Variants in TUSC3 observed in about 807,000 individuals in gnomAD.
TUSC3 encodes dolichyl-diphosphooligosaccharide--protein glycosyltransferase subunit TUSC3.
TUSC3 carries 45 observed loss-of-function variants against 44.8 expected under a neutral mutation model. The ratio of observed to expected loss-of-function variants is 1.00; its 90% CI spans 0.79 to 1.29. The LOEUF (loss-of-function observed/expected upper bound fraction) is 1.29, where lower values mean the gene tolerates loss of function less well. Ranked by LOEUF, TUSC3 falls within the 50% of genes most tolerant of loss-of-function variation. TUSC3 has a pLI of 0.00. For missense variants in TUSC3, 519 were observed against 437.9 expected (o/e 1.19, Z -1.65); for synonymous variants, 212 against 152.9 (o/e 1.39, Z -2.85).
At chr8:15,735,160 T>C (rs1347848550) in intron 7 of TUSC3, among the ~76,000 whole-genome samples, 1 of 151,596 alleles carries the variant, frequency 6.6e-6, no homozygotes, top group African/African-American at 2.4e-5. Context: ...AAGGATAGGG[T>C]AGAGAAGGTA....
At chr8:15,507,792 T>C (rs1399399709) in intron 2 of TUSC3, among the ~76,000 whole-genome samples, 1 of 151,720 alleles carries the variant, frequency 6.6e-6, no homozygotes, top group Non-Finnish European at 1.5e-5. Flanking sequence ...GAGGATGATG[T>C]AAGGAAAAAA....
At chr8:15,764,054 T>C in intron 10 of TUSC3, 149 bp from the exon 11 acceptor site, 2 of 771,838 alleles carry the variant, frequency 2.6e-6, no homozygotes, top group Admixed American at 5.2e-5. Context: ...TTAGAAAAAT[T>C]GCCCTGATGT....
At chr8:15,545,517 A>C (rs573314984) in intron 1 of TUSC3, among the ~76,000 whole-genome samples, 2 of 151,934 alleles carry the variant, frequency 1.3e-5, no homozygotes, top group Admixed American at 1.3e-4. Flanking sequence ...AATATCCTTG[A>C]AAAGATGGTC....
chr8:15,522,442 A>C (rs1458054266), intron 2 of TUSC3, among the ~76,000 whole-genome samples: 4 of 152,046 alleles, frequency 2.6e-5, no homozygotes, highest in Non-Finnish European at 4.4e-5. Context: ...CATGTTGGCC[A>C]GGTTGGTCTT....
chr8:15,515,274 G>A (rs1458515451), intron 2 of TUSC3, among the ~76,000 whole-genome samples: 1 of 152,044 alleles, frequency 6.6e-6, no homozygotes, highest in Non-Finnish European at 1.5e-5. Context: ...TGAACATCTA[G>A]CTCTGTCAGC....
chr8:15,718,786 A>G (rs540520012), intron 6 of TUSC3, among the ~76,000 whole-genome samples: 2 of 152,212 alleles, frequency 1.3e-5, no homozygotes, highest in East Asian at 1.9e-4. Context: ...TATTACTACA[A>G]ATACTCAAAT....
At chr8:15,434,837 C>A (rs1484341406) in intron 1 of TUSC3, among the ~76,000 whole-genome samples, 8 of 152,080 alleles carry the variant, frequency 5.3e-5, no homozygotes, top group Non-Finnish European at 8.8e-5. Flanking sequence ...TTTCCAACTT[C>A]ATCCATGTCC....
At chr8:15,700,755 T>G (rs1056098870) in intron 6 of TUSC3, among the ~76,000 whole-genome samples, 2 of 151,896 alleles carry the variant, frequency 1.3e-5, no homozygotes, top group African/African-American at 4.8e-5. Context: ...AGAAACTGTT[T>G]GTTTAAAGAG....
At chr8:15,455,680 A>G (rs1478063076) in intron 1 of TUSC3, among the ~76,000 whole-genome samples, 1 of 152,156 alleles carries the variant, frequency 6.6e-6, no homozygotes, top group Non-Finnish European at 1.5e-5. Context: ...CAGTGAGAAA[A>G]TTACATCAGT....
chr8:15,441,645 C>T (rs1044949557), intron 1 of TUSC3, among the ~76,000 whole-genome samples: 4 of 152,058 alleles, frequency 2.6e-5, no homozygotes, highest in African/African-American at 9.7e-5. Context: ...TTTCTCATTC[C>T]TTAATAAGCA....
chr8:15,550,153 G>C (rs186282967), intron 1 of TUSC3, among the ~76,000 whole-genome samples: 1 of 151,760 alleles, frequency 6.6e-6, no homozygotes, highest in Non-Finnish European at 1.5e-5. Flanking sequence ...GATTAGGTCA[G>C]GGGTCGTTCT....
At chr8:15,778,444 C>A in the TUSC3 span, among the ~76,000 whole-genome samples, 2 of 152,104 alleles carry the variant, frequency 1.3e-5, no homozygotes, top group African/African-American at 2.4e-5. Context: ...TAAATTCAAG[C>A]CTGACTCACA....
intron 1 of TUSC3, among the ~76,000 whole-genome samples, chr8:15,597,225 T>A (rs1263468719): frequency 6.6e-6 from 1 of 152,110 alleles, no homozygotes; most frequent in Non-Finnish European, 1.5e-5. Context: ...GTGATTTAAA[T>A]TTCTCTCAGT....
chr8:15,638,526 T>G (rs1254773183), intron 2 of TUSC3, among the ~76,000 whole-genome samples: 1 of 131,610 alleles, frequency 7.6e-6, no homozygotes, highest in Non-Finnish European at 1.6e-5. Context: ...TTTTTTTTTT[T>G]TTTTTTTTTT....
At chr8:15,759,621 T>G (rs746926044) in intron 10 of TUSC3, among the ~76,000 whole-genome samples, 1 of 152,106 alleles carries the variant, frequency 6.6e-6, no homozygotes, top group Non-Finnish European at 1.5e-5. Flanking sequence ...CAAAGTTCTC[T>G]TCATGTGACC....
At chr8:15,587,153 A>G (rs933079651) in intron 1 of TUSC3, among the ~76,000 whole-genome samples, 7 of 152,152 alleles carry the variant, frequency 4.6e-5, no homozygotes, top group South Asian at 2.1e-4. Flanking sequence ...TTGCTGTGCT[A>G]TTGGATTATA....
intron 1 of TUSC3, among the ~76,000 whole-genome samples, chr8:15,568,469 T>G (rs747731305): frequency 2.6e-5 from 4 of 152,202 alleles, no homozygotes; most frequent in Admixed American, 6.5e-5. Flanking sequence ...ACTTATAAAG[T>G]CCATTTTGCC....
intron 2 of TUSC3, among the ~76,000 whole-genome samples, chr8:15,495,392 T>C (rs2129126287): frequency 6.6e-6 from 1 of 152,304 alleles, no homozygotes; most frequent in Non-Finnish European, 1.5e-5. Context: ...TCCTAGTATA[T>C]AGTTTAAAAC....
At chr8:15,455,305 C>T (rs1425230482) in intron 1 of TUSC3, among the ~76,000 whole-genome samples, 1 of 152,036 alleles carries the variant, frequency 6.6e-6, no homozygotes, top group Admixed American at 6.6e-5. Context: ...AAGAGAAAAG[C>T]CCTAACATGT....
Sources: gnomAD v4.1 joint callset for allele counts (sites outside exome capture counted in the v4.1 genomes callset) on GRCh38, gnomAD v4.1.1 for gene constraint, MANE v1.5 for transcripts, NCBI Gene and HGNC (gene_info 2026-07-23, HGNC 2026-07-21) for gene names.